The following ERGIC3 variants were observed in gnomAD, a reference collection of about 807,000 sequenced individuals.
ERGIC3 encodes the protein endoplasmic reticulum-Golgi intermediate compartment protein 3.
A neutral mutation model predicts 54.7 loss-of-function variants in ERGIC3; 33 were observed. That is an observed-to-expected ratio of 0.60 (90% CI 0.46 to 0.81). ERGIC3 has a LOEUF of 0.81. ERGIC3 is among the 30% of genes least tolerant of loss of function. The pLI is 0.00. For missense variants in ERGIC3, 399 were observed against 488.4 expected, an observed-to-expected ratio of 0.82 and a Z score of 1.73; for synonymous variants, 186 against 189.8, an observed-to-expected ratio of 0.98 and a Z score of 0.16.
intron 7 of ERGIC3, among the ~76,000 whole-genome samples, chr20:35,553,106 G>A (rs918574833): frequency 7.9e-6 from 1 of 126,388 alleles, no homozygotes; most frequent in Non-Finnish European, 1.6e-5. Flanking sequence ...TCCTGGACTC[G>A]AGATCCTCCC....
At chr20:35,557,385 G>A (rs1366525549) in intron 12 of ERGIC3, 40 bp from the exon 13 acceptor site, 11 of 1,610,618 alleles carry the variant, frequency 6.8e-6, no homozygotes, top group Non-Finnish European at 7.6e-6. Context: ...AAAAGCCAAG[G>A]CCCCCACTGG....
At chr20:35,554,252 C>T in intron 7 of ERGIC3, 1 of 1,338,154 alleles carries the variant, frequency 7.5e-7, no homozygotes, top group Non-Finnish European at 1.1e-6. Context: ...TAGCTGGGGC[C>T]AGACTGTGTT....
chr20:35,557,476 A>G lies in ERGIC3; in HGVS notation c.1124A>G (p.Lys375Arg). 2 of 1,614,168 alleles carry G rather than the reference A, an allele frequency of 1.2e-6. No individual in the cohort carries two copies. Among genetic ancestry groups the G allele is most frequent in the Non-Finnish European group, 1.7e-6 (2 of 1,180,022 alleles). The change falls in exon 13 of 13, where the codon AAG becomes AGG. Residue 375 changes from lysine to arginine, a missense_variant. Transcript: ENST00000348547. ...LIYHSARAIQKKIDLGKTT is the reference protein window; with the variant it reads ...LIYHSARAIQRKIDLGKTT ...TACCACTCAGCACGAGCCATCCAGAAGAAAATTGATCTAGGGAAGACAACG... is the reference window on the plus strand; with the variant it reads ...TACCACTCAGCACGAGCCATCCAGAGGAAAATTGATCTAGGGAAGACAACG...
intron 4 of ERGIC3, chr20:35,543,313 C>G (rs2064628081): frequency 5.9e-6 from 2 of 337,238 alleles, no homozygotes; most frequent in East Asian, 7.5e-5. Context: ...CCTTAATGCT[C>G]TTCCCCTTTG....
chr20:35,555,216 G>A, intron 8 of ERGIC3, 141 bp downstream of exon 8: 2 of 1,037,562 alleles, frequency 1.9e-6, no homozygotes, highest in South Asian at 1.4e-5. Flanking sequence ...TCCAGCCTGA[G>A]GGTTAAGCGA....
chr20:35,548,557 C>A lies in ERGIC3; in HGVS notation c.510C>A (p.Gly170=), dbSNP rs1311529983. 2 of 1,614,234 alleles carry A rather than the reference C, an allele frequency of 1.2e-6. No homozygotes were observed. Among genetic ancestry groups the A allele is most frequent in the East Asian group, 2.2e-5 (1 of 44,884 alleles). Residue 170 remains glycine (G), a synonymous_variant, in exon 6 of 13, where the codon GGC becomes GGA. Coordinates refer to ENST00000348547, the MANE Select transcript of ERGIC3 (RefSeq NM_015966.3). The part of the protein sequence containing the change: ...EDVREAYRRR[G]WAFKNPDTIE... ...TGCGGGAGGCATATCGCCGTAGAGGCTGGGCCTTCAAGAACCCAGATACTA... is the reference window on the plus strand; with the variant it reads ...TGCGGGAGGCATATCGCCGTAGAGGATGGGCCTTCAAGAACCCAGATACTA...
chr20:35,543,133 A>G (rs933161796), intron 4 of ERGIC3, 192 bp downstream of exon 4: 26 of 635,374 alleles, frequency 4.1e-5, no homozygotes, highest in Non-Finnish European at 5.5e-5. Context: ...ATATCGAGTC[A>G]GGTAATCTAC....
At chr20:35,551,640 G>A (rs1323729659) in intron 7 of ERGIC3, among the ~76,000 whole-genome samples, 1 of 152,208 alleles carries the variant, frequency 6.6e-6, no homozygotes, top group Non-Finnish European at 1.5e-5. Context: ...GGCCAAGGGT[G>A]TCAGGGGGAA....
chr20:35,550,387 G>A (rs1432757830), intron 7 of ERGIC3, among the ~76,000 whole-genome samples: 5 of 151,928 alleles, frequency 3.3e-5, no homozygotes, highest in East Asian at 3.9e-4. Context: ...AGGCCGAGGC[G>A]GGTGGATCAC....
intron 4 of ERGIC3, chr20:35,545,399 A>C (rs2064643227): frequency 6.7e-6 from 1 of 148,216 alleles, no homozygotes; most frequent in South Asian, 2.2e-4. Flanking sequence ...CTCTACTAAA[A>C]AATACAAAAA....
intron 7 of ERGIC3, among the ~76,000 whole-genome samples, chr20:35,550,337 C>T (rs935505159): frequency 4.6e-5 from 7 of 151,894 alleles, no homozygotes; most frequent in Non-Finnish European, 8.8e-5. Flanking sequence ...TGAGAGAGGC[C>T]GGGTGCAGTA....
At chr20:35,553,020 A>ATTTTTTTTTTT (rs141438822) in intron 7 of ERGIC3, among the ~76,000 whole-genome samples, 451 of 41,558 alleles carry the variant, frequency 0.011, 148 homozygotes, top group African/African-American at 0.027. Context: ...AAAGCTGGGG[A>ATTTTTTTTTTT]TTTTTTTTTT....
chr20:35,550,788 C>G (rs1346259914), intron 7 of ERGIC3, among the ~76,000 whole-genome samples: 7 of 152,134 alleles, frequency 4.6e-5, no homozygotes, highest in Non-Finnish European at 1.0e-4. Context: ...GTGGACAAGA[C>G]TGGGCAGGGG....
At chr20:35,552,311 G>C (rs185677411) in intron 7 of ERGIC3, among the ~76,000 whole-genome samples, 148 of 152,306 alleles carry the variant, frequency 9.7e-4, no homozygotes, top group African/African-American at 3.4e-3. Context: ...GATGTGACTG[G>C]TCACTTGGGG....
chr20:35,548,571 A>G lies in ERGIC3; in HGVS notation c.524A>G (p.Asn175Ser). 1.2e-6 allele frequency: 2 copies of G among 1,614,196 alleles called. No homozygotes were observed. The highest frequency in any genetic ancestry group is 1.7e-6 in the Non-Finnish European group (2 of 1,180,028). The change falls in exon 6 of 13, where the codon AAC becomes AGC. Residue 175 changes from asparagine (N) to serine (S), a missense_variant. Coordinates refer to ENST00000348547, the MANE Select transcript of ERGIC3 (RefSeq NM_015966.3). Reference protein sequence around the residue: ...AYRRRGWAFKNPDTIEQCRRE... With the variant: ...AYRRRGWAFKSPDTIEQCRRE... Reference sequence around the variant, plus strand: ...CGCCGTAGAGGCTGGGCCTTCAAGAACCCAGATACTATTGAGCAGTGCCGG... The same window carrying G: ...CGCCGTAGAGGCTGGGCCTTCAAGAGCCCAGATACTATTGAGCAGTGCCGG...
chr20:35,545,696 G>A (rs193281611), intron 4 of ERGIC3, among the ~76,000 whole-genome samples: 1 of 152,328 alleles, frequency 6.6e-6, no homozygotes, highest in East Asian at 1.9e-4. Context: ...GACTACATAA[G>A]GGTGTGAATA....
Position 35,542,133 on chromosome 20 carries a change from C to G in ERGIC3, c.36C>G (p.Ala12=). Residue 12 remains alanine, a synonymous_variant, in exon 1 of 13, where the codon GCC becomes GCG. Transcript: ENST00000348547. The part of the protein sequence containing the change: ...EALGKLKQFD[A]YPKTLEDFRV... ...TGGGGAAGCTGAAGCAGTTCGATGC[C>G]TACCCCAAGACTTTGGAGGACTTCC... 1.3e-6 allele frequency: 2 copies of G among 1,569,240 alleles called. No homozygotes were observed. The highest frequency in any genetic ancestry group is 1.7e-6 in the Non-Finnish European group (2 of 1,158,214).
intron 7 of ERGIC3, chr20:35,554,501 T>C (rs981476771): frequency 8.8e-7 from 1 of 1,132,366 alleles, no homozygotes; most frequent in African/African-American, 1.5e-5. Context: ...ACCTGGCTGC[T>C]GGGTGACTGT....
At chr20:35,551,128 C>T (rs1286673032) in intron 7 of ERGIC3, among the ~76,000 whole-genome samples, 1 of 151,936 alleles carries the variant, frequency 6.6e-6, no homozygotes, top group Non-Finnish European at 1.5e-5. Context: ...CTTGTCTCTA[C>T]TAAAAAATGC....
Sources: allele counts gnomAD v4.1 joint callset (sites outside exome capture counted in the v4.1 genomes callset), GRCh38; gene constraint gnomAD v4.1.1; transcripts MANE v1.5; gene names NCBI Gene and HGNC (gene_info 2026-07-23, HGNC 2026-07-21).